AFF1: variants seen among roughly 807,000 people sequenced by gnomAD.
AFF1 encodes the protein AF4/FMR2 family member 1.
AFF1 carries 48 observed loss-of-function variants against 121.7 expected under a neutral mutation model. The observed-to-expected ratio is 0.39, with a 90% CI of 0.31 to 0.50. AFF1 has a LOEUF of 0.50. Among genes scored for constraint, AFF1 ranks in the 20% least tolerant of loss-of-function variants. The pLI is 0.76. For missense variants in AFF1, 1,523 were observed against 1,511.7 expected (o/e 1.01, Z -0.12); for synonymous variants, 613 against 563.0 (o/e 1.09, Z -1.26).
intron 4 of AFF1, among the ~76,000 whole-genome samples, chr4:87,068,128 G>A (rs1263117829): frequency 6.8e-6 from 1 of 146,766 alleles, no homozygotes; most frequent in Non-Finnish European, 1.5e-5. Flanking sequence ...ACATAATACT[G>A]GAATTACTGA....
rs946708022 is a variant in AFF1, at chr4:87,135,649, A to G, written c.3605A>G (p.His1202Arg). ...AACAGCAGTTTGGTGGACCTGGTGC[A>G]CTATACACGACAGGGTTTTCAGCAG... Reference protein sequence around the residue: ...ALNSSLVDLVHYTRQGFQQLQ... With the variant: ...ALNSSLVDLVRYTRQGFQQLQ... Residue 1202 changes from histidine (H) to arginine (R), a missense_variant, in exon 21 of 21, where the codon CAC becomes CGC. Around this residue, in one of 5 missense-constraint regions of AFF1, gnomAD observed 241 missense variants for 265.2 expected, o/e 0.91. Coordinates refer to ENST00000395146, the MANE Select transcript of AFF1 (RefSeq NM_001166693.3). The G allele has an allele frequency of 2.5e-6, 4 of 1,613,122 alleles. No individual in the cohort carries two copies. Among genetic ancestry groups the G allele is most frequent in the South Asian group, 2.2e-5 (2 of 90,742 alleles).
At chr4:87,133,389 A>G (rs545766234) in intron 19 of AFF1, among the ~76,000 whole-genome samples, 4 of 152,338 alleles carry the variant, frequency 2.6e-5, no homozygotes, top group African/African-American at 9.6e-5. Context: ...CACTTACACG[A>G]CTGCCCTATT....
intron 2 of AFF1, among the ~76,000 whole-genome samples, chr4:86,955,708 A>G (rs1454163428): frequency 1.3e-5 from 2 of 152,222 alleles, no homozygotes; most frequent in African/African-American, 4.8e-5. Context: ...TATACCACCA[A>G]ATGGGTGGGA....
At chr4:87,090,187 A>AT (rs1428189167) in intron 6 of AFF1, 117 bp downstream of exon 6, 2 of 771,114 alleles carry the variant, frequency 2.6e-6, no homozygotes, top group Non-Finnish European at 4.1e-6. Context: ...TGAGGTTAAA[A>AT]TTATGATTAA....
chr4:86,949,883 G>A (rs1363429007), intron 2 of AFF1: 14 of 1,614,020 alleles, frequency 8.7e-6, no homozygotes, highest in African/African-American at 2.7e-5. Flanking sequence ...GAAGAGCCAC[G>A]TGAAGGGGTT....
At chr4:86,964,991 A>G (rs1189712116) in intron 2 of AFF1, among the ~76,000 whole-genome samples, 1 of 152,172 alleles carries the variant, frequency 6.6e-6, no homozygotes, top group African/African-American at 2.4e-5. Flanking sequence ...GTTTGCCGCT[A>G]TTGGAGTTAT....
chr4:86,969,834 A>G (rs555604459), intron 2 of AFF1, among the ~76,000 whole-genome samples: 1 of 132,024 alleles, frequency 7.6e-6, no homozygotes, highest in South Asian at 2.7e-4. Flanking sequence ...GAGCCGAGAT[A>G]GCACCACTGC....
chr4:87,069,447 A>C (rs1029117210), intron 4 of AFF1, among the ~76,000 whole-genome samples: 48 of 98,340 alleles, frequency 4.9e-4, no homozygotes, highest in South Asian at 1.3e-3. Flanking sequence ...CTCTCTCCCT[A>C]TCCTCTTCCT....
chr4:87,027,639 A>G (rs1728649660), intron 2 of AFF1, among the ~76,000 whole-genome samples: 1 of 152,186 alleles, frequency 6.6e-6, no homozygotes, highest in Non-Finnish European at 1.5e-5. Flanking sequence ...TTCTAACATT[A>G]TGAACATTTT....
In AFF1 at chr4:86,985,575, C is replaced by A. The variant is rs572475340; in HGVS notation, c.38+37004C>A. The stretch of plus-strand genomic sequence containing the variant: ...CCTGTAATCTCAGCTCCTCGGGAGG[C>A]TGAGGCAGGAGAATCGCTTGAACCC... On this transcript the variant is annotated intron_variant, in intron 2 of 20. Coordinates refer to ENST00000395146, the MANE Select transcript of AFF1 (RefSeq NM_001166693.3). 1.3e-4 allele frequency among the ~76,000 whole-genome samples: 19 copies of A among 150,854 alleles called. No homozygotes were observed. The South Asian group carries it at 2.5e-3, about 20-fold the overall frequency.
At chr4:86,997,227 A>G (rs1222587717) in intron 2 of AFF1, among the ~76,000 whole-genome samples, 1 of 152,048 alleles carries the variant, frequency 6.6e-6, no homozygotes, top group Admixed American at 6.5e-5. Context: ...TGGTGGCTTT[A>G]TAAGAGGAAG....
chr4:87,047,131 C>G lies in AFF1; in HGVS notation c.596C>G (p.Ser199Trp). The change falls in exon 4 of 21, where the codon TCG (serine) becomes TGG (tryptophan). Residue 199 changes from serine (S) to tryptophan (W), a missense_variant. Transcript: ENST00000395146. ...GACCACTGTGCTTCGGTGACAGATT[C>G]GGCTCCAGAGAGGGAGCTTTCTCCC... ...DGDHCASVTDSAPERELSPLI... is the reference protein window; with the variant it reads ...DGDHCASVTDWAPERELSPLI... 1 of 1,614,184 alleles carries G rather than the reference C, an allele frequency of 6.2e-7. No homozygotes were observed. Among genetic ancestry groups the G allele is most frequent in the Non-Finnish European group, 8.5e-7 (1 of 1,180,036 alleles).
At chr4:87,095,233 G>A (rs566409459) in intron 8 of AFF1, among the ~76,000 whole-genome samples, 47 of 152,190 alleles carry the variant, frequency 3.1e-4, no homozygotes, top group Middle Eastern at 3.4e-3. Flanking sequence ...ATTCTCATGC[G>A]TCAGCCTCCT....
At chr4:87,037,714 C>T (rs781016900) in intron 2 of AFF1, among the ~76,000 whole-genome samples, 1 of 152,130 alleles carries the variant, frequency 6.6e-6, no homozygotes, top group Non-Finnish European at 1.5e-5. Context: ...GGTAAATTAA[C>T]ATGTCTCTCC....
At chr4:87,024,626 C>G (rs1728346040) in intron 2 of AFF1, among the ~76,000 whole-genome samples, 2 of 152,100 alleles carry the variant, frequency 1.3e-5, no homozygotes, top group Admixed American at 6.6e-5. Flanking sequence ...GAGTCTTGTT[C>G]TGTCTTCCGA....
chr4:86,986,711 C>A lies in AFF1; in HGVS notation c.38+38140C>A, dbSNP rs1285029326. Among the ~76,000 whole-genome samples, 7 of 152,126 alleles carry A rather than the reference C, an allele frequency of 4.6e-5. No homozygotes were observed. The East Asian group carries it at 1.2e-3, about 25-fold the overall frequency. ...TAAAAGGATCCTGTTTGGCTCTGAACACACTAATGAAATTGGAAGAATAAT... is the reference window on the plus strand; with the variant it reads ...TAAAAGGATCCTGTTTGGCTCTGAAAACACTAATGAAATTGGAAGAATAAT... On this transcript the variant is annotated intron_variant, in intron 2 of 20. Coordinates refer to ENST00000395146, the MANE Select transcript of AFF1 (RefSeq NM_001166693.3).
intron 2 of AFF1, among the ~76,000 whole-genome samples, chr4:87,009,863 GTGTT>G (rs773031490): frequency 2.0e-5 from 3 of 152,194 alleles, no homozygotes; most frequent in East Asian, 1.9e-4. Flanking sequence ...CTACACATTA[GTGTT>G]TGTTTGCTCT....
chr4:87,010,901 C>G (rs1429051827), intron 2 of AFF1, among the ~76,000 whole-genome samples: 1 of 152,024 alleles, frequency 6.6e-6, no homozygotes, highest in Non-Finnish European at 1.5e-5. Context: ...ACTGTGAAAC[C>G]CCATCTCTAC....
intron 4 of AFF1, among the ~76,000 whole-genome samples, chr4:87,060,646 C>CT (rs1330831705): frequency 6.6e-6 from 1 of 151,890 alleles, no homozygotes; most frequent in Admixed American, 6.6e-5. Flanking sequence ...CGAGACCAGC[C>CT]TAACCAACAA....
Sources: gnomAD v4.1 joint callset for allele counts (sites outside exome capture counted in the v4.1 genomes callset) on GRCh38, gnomAD v4.1.1 for gene constraint, gnomAD v4.1.1 regional missense constraint, MANE v1.5 for transcripts, NCBI Gene and HGNC (gene_info 2026-07-23, HGNC 2026-07-21) for gene names.